Variants in ARID2 observed in about 807,000 individuals in gnomAD.
ARID2 encodes the protein AT-rich interaction domain 2, also known as AT-rich interactive domain-containing protein 2.
ARID2 carries 32 observed loss-of-function variants against 184.6 expected under a neutral mutation model. The observed-to-expected ratio is 0.17, with a 90% CI of 0.13 to 0.23. The LOEUF (loss-of-function observed/expected upper bound fraction) is 0.23. ARID2 is among the 10% of genes least tolerant of loss of function. The pLI is 1.00. For missense variants in ARID2, 1,696 were observed against 2,197.6 expected (o/e 0.77, Z 4.56); for synonymous variants, 836 against 772.6 (o/e 1.08, Z -1.36).
intron 3 of ARID2, among the ~76,000 whole-genome samples, chr12:45,780,395 A>G (rs966066981): frequency 4.3e-4 from 66 of 152,132 alleles, no homozygotes; most frequent in Non-Finnish European, 7.9e-4. Context: ...TGTTTTCTGT[A>G]TAAGTTTTAT....
At position 45,869,749 on chromosome 12, in the gene ARID2, G is replaced by T. The variant is rs568930689; in HGVS notation, c.4922+8800G>T. The stretch of plus-strand genomic sequence containing the variant: ...AATGTGAACATTAGCCAGGCGTGGT[G>T]GCGGGCGACTGTAATCCCAGCTAAT... On this transcript the variant is annotated intron_variant, in intron 16 of 20. Coordinates refer to ENST00000334344, the MANE Select transcript of ARID2 (RefSeq NM_152641.4). Among the ~76,000 whole-genome samples the T allele has an allele frequency of 2.0e-5, 3 of 151,942 alleles. No homozygotes were observed. In the South Asian group the frequency reaches 6.3e-4, roughly 32 times the overall value.
chr12:45,893,801 G>A (rs1470954190), intron 20 of ARID2, 80 bp downstream of exon 20: 1 of 1,193,230 alleles, frequency 8.4e-7, no homozygotes, highest in African/African-American at 1.6e-5. Flanking sequence ...TTAGATAACT[G>A]TATTTTCTTC....
chr12:45,821,502 T>A lies in ARID2; in HGVS notation c.705+15T>A. On this transcript the variant is annotated intron_variant, in intron 6 of 20. Coordinates refer to ENST00000334344, the MANE Select transcript of ARID2 (RefSeq NM_152641.4). ...ACTTCGTTAAGGTAAATCATTTTAA[T>A]TAAAATGTTGATTCATTGAGTTACA... The A allele has an allele frequency of 6.8e-7, 1 of 1,463,106 alleles. No homozygotes were observed. Among genetic ancestry groups the A allele is most frequent in the Non-Finnish European group, 9.1e-7 (1 of 1,102,712 alleles). 90.6% of individuals were successfully genotyped at this position (1,463,106 alleles called of 1,614,324 possible).
At chr12:45,862,110 G>A (rs1943760042) in intron 16 of ARID2, among the ~76,000 whole-genome samples, 1 of 152,142 alleles carries the variant, frequency 6.6e-6, no homozygotes, top group Non-Finnish European at 1.5e-5. Context: ...CTATAGGATA[G>A]CAATGATCAA....
intron 3 of ARID2, among the ~76,000 whole-genome samples, chr12:45,759,095 T>A (rs569296452): frequency 1.3e-5 from 2 of 152,198 alleles, no homozygotes; most frequent in Non-Finnish European, 2.9e-5. Context: ...TATTCTGATA[T>A]GCTTTTCCAA....
intron 16 of ARID2, 72 bp downstream of exon 16, chr12:45,861,021 C>A: frequency 7.6e-7 from 1 of 1,313,872 alleles, no homozygotes; most frequent in South Asian, 2.3e-5. Context: ...AAGTTTCTGT[C>A]ATCTATAGTT....
chr12:45,829,947 C>T (rs190377643), intron 6 of ARID2, among the ~76,000 whole-genome samples: 1 of 149,694 alleles, frequency 6.7e-6, no homozygotes, highest in Non-Finnish European at 1.5e-5. Context: ...TTTTAGTGAT[C>T]ATGTTTTAAT....
At chr12:45,862,790 C>T (rs950743273) in intron 16 of ARID2, among the ~76,000 whole-genome samples, 2 of 152,178 alleles carry the variant, frequency 1.3e-5, no homozygotes, top group East Asian at 1.9e-4. Flanking sequence ...GACAGTTTCC[C>T]ATCTTGCTAA....
intron 3 of ARID2, among the ~76,000 whole-genome samples, chr12:45,753,709 T>G (rs1402967336): frequency 6.6e-6 from 1 of 152,190 alleles, no homozygotes; most frequent in Non-Finnish European, 1.5e-5. Flanking sequence ...TCCTCCCACC[T>G]CAGCCTCCCG....
rs755267508 is a variant in ARID2, at chr12:45,851,807, A to T, written c.3684A>T (p.Ser1228=). 6.2e-7 allele frequency: 1 copy of T among 1,614,166 alleles called. No homozygotes were observed. Among genetic ancestry groups the T allele is most frequent in the Non-Finnish European group, 8.5e-7 (1 of 1,180,008 alleles). ...PATQASPAGQ[S]SCTTATPPFK... is the part of the protein sequence containing the mutation. ...CTCAAGCATCTCCTGCTGGACAATC[A>T]TCATGTACTACTGCTACTCCCCCAT... Residue 1228 remains serine, a synonymous_variant, in exon 15 of 21, where the codon TCA becomes TCT. Transcript: ENST00000334344.
chr12:45,842,917 A>T (rs1473075079), intron 11 of ARID2, among the ~76,000 whole-genome samples: 1 of 152,172 alleles, frequency 6.6e-6, no homozygotes, highest in African/African-American at 2.4e-5. Context: ...CATCAGTAGT[A>T]TCCCTGTTTC....
At chr12:45,857,386 A>G (rs1943668614) in intron 15 of ARID2, among the ~76,000 whole-genome samples, 1 of 152,204 alleles carries the variant, frequency 6.6e-6, no homozygotes, top group Non-Finnish European at 1.5e-5. Flanking sequence ...AGCCACAAGA[A>G]TATCACTTTT....
Position 45,850,044 on chromosome 12 carries a change from C to T in ARID2, c.1921C>T (p.His641Tyr), listed in dbSNP as rs1354780358. 1 of 1,605,396 alleles carries T rather than the reference C, an allele frequency of 6.2e-7. No homozygotes were observed. The highest frequency in any genetic ancestry group is 2.2e-5 in the East Asian group (1 of 44,726). ...TTTCTTCATATTTTCAGGAATCCCT[C>T]ATGGATCACAAACCATAGGAAACCA... ...SPAPSPAGIPHGSQTIGNHFQ... is the reference protein window; with the variant it reads ...SPAPSPAGIPYGSQTIGNHFQ... The change falls in exon 15 of 21, where the codon CAT becomes TAT. Residue 641 changes from histidine to tyrosine, a missense_variant. His to Tyr is a moderately conservative substitution (Grantham distance 83). Transcript: ENST00000334344.
At position 45,880,452 on chromosome 12, in the gene ARID2, T is replaced by G. The variant is rs181304483; in HGVS notation, c.4923-11328T>G. On this transcript the variant is annotated intron_variant, in intron 16 of 20. Coordinates refer to ENST00000334344, the MANE Select transcript of ARID2 (RefSeq NM_152641.4). The stretch of plus-strand genomic sequence containing the variant: ...CAGGTTCCTACTGAACCTTATACAG[T>G]TACAATTCCTCCTAAAGTTCCTATT... 3.9e-5 allele frequency among the ~76,000 whole-genome samples: 6 copies of G among 152,290 alleles called. No homozygotes were observed. The East Asian group carries it at 9.6e-4, about 24-fold the overall frequency.
intron 11 of ARID2, among the ~76,000 whole-genome samples, chr12:45,845,399 A>G (rs1224944136): frequency 6.6e-6 from 1 of 152,152 alleles, no homozygotes; most frequent in Non-Finnish European, 1.5e-5. Context: ...CTCAAGGAGC[A>G]TATAATAGTA....
At position 45,905,931 on chromosome 12, in the gene ARID2, TTC is replaced by T. The variant is rs1944521675; in HGVS notation, c.*855_*856del. 4.4e-6 allele frequency: 1 copy of T among 226,872 alleles called. No individual in the cohort carries two copies. The highest frequency in any genetic ancestry group is 2.5e-5 in the African/African-American group (1 of 39,806). 14.1% of individuals were successfully genotyped at this position (226,872 alleles called of 1,614,324 possible). ...AGTTTTGTGGAACTGTGATTTTTTT[TTC>T]TTTTTTCTTTTTTTTTTTCTTTTTT... On this transcript the variant is annotated 3_prime_UTR_variant, in exon 21 of 21. Transcript: ENST00000334344.
At chr12:45,897,952 C>A (rs1944391210) in intron 20 of ARID2, among the ~76,000 whole-genome samples, 1 of 151,748 alleles carries the variant, frequency 6.6e-6, no homozygotes, top group South Asian at 2.1e-4. Context: ...CTCAGGTGAT[C>A]CTCCCATCTC....
intron 6 of ARID2, among the ~76,000 whole-genome samples, chr12:45,823,304 G>A (rs1028199652): frequency 6.6e-6 from 1 of 152,142 alleles, no homozygotes; most frequent in East Asian, 1.9e-4. Flanking sequence ...AGCAGAAGCA[G>A]TCCTAAGAGG....
chr12:45,847,410 C>T (rs559831221), intron 12 of ARID2, among the ~76,000 whole-genome samples: 2 of 151,812 alleles, frequency 1.3e-5, no homozygotes, highest in Non-Finnish European at 2.9e-5. Context: ...TAATAGTAGA[C>T]GGACATTAAT....
Sources: gnomAD v4.1 joint callset for allele counts (sites outside exome capture counted in the v4.1 genomes callset) on GRCh38, gnomAD v4.1.1 for gene constraint, MANE v1.5 for transcripts, NCBI Gene and HGNC (gene_info 2026-07-23, HGNC 2026-07-21) for gene names.